Variants in CCDC183 observed in about 807,000 individuals in gnomAD.
CCDC183 encodes coiled-coil domain-containing protein 183.
A neutral mutation model predicts 65.2 loss-of-function variants in CCDC183; 63 were observed. That is an observed-to-expected ratio of 0.97 (90% CI 0.79 to 1.19). CCDC183 has a LOEUF of 1.19. CCDC183 is among the 50% of genes most tolerant of loss of function. CCDC183 has a pLI of 0.00. For synonymous variants in CCDC183, 323 were observed against 276.5 expected (o/e 1.17, Z -1.67); for missense variants, 769 against 689.3 (o/e 1.12, Z -1.30).
At chr9:136,799,940 C>G in intron 3 of CCDC183, 62 bp from the exon 4 acceptor site, 2 of 1,540,770 alleles carry the variant, frequency 1.3e-6, no homozygotes, top group Non-Finnish European at 1.8e-6. Context: ...CGCCCGCCTG[C>G]TGGCGGGCTC....
Position 136,798,435 on chromosome 9 carries a change from C to G in CCDC183, c.71-667C>G, listed in dbSNP as rs183323038. Among the ~76,000 whole-genome samples the G allele has an allele frequency of 2.0e-5, 3 of 151,446 alleles. No individual in the cohort carries two copies. In the East Asian group the frequency reaches 5.8e-4, roughly 29 times the overall value. On this transcript the variant is annotated intron_variant, in intron 1 of 13. Coordinates refer to ENST00000338005, the MANE Select transcript of CCDC183 (RefSeq NM_001039374.5). ...GCCTCAGCCTCCTGAGTAGCTGGGA[C>G]TACAGGCACACACCACCACACCCAG...
At position 136,802,847 on chromosome 9, in the gene CCDC183, G is replaced by A. The variant is rs552112750; in HGVS notation, c.666+61G>A. 3.4e-3 allele frequency: 1,757 copies of A among 509,410 alleles called. 14 individuals are homozygous for A. Among genetic ancestry groups the A allele is most frequent in the Non-Finnish European group, 5.3e-3 (1,477 of 279,552 alleles). 31.6% of individuals were successfully genotyped at this position (509,410 alleles called of 1,614,324 possible). A position where few individuals can be genotyped will look rare whatever the true frequency, so the allele number is the denominator to read the frequency against. On this transcript the variant is annotated intron_variant, in intron 6 of 13. Transcript: ENST00000338005. ...GCCAGCCCTCTTGGATCTTCGGATG[G>A]GGTCAAGGTGAGCTCAGGGCCCAGG...
In CCDC183 at chr9:136,805,384, A is replaced by G; in HGVS notation, c.875A>G (p.Glu292Gly). The G allele has an allele frequency of 1.9e-6, 3 of 1,613,934 alleles. No individual in the cohort carries two copies. Among genetic ancestry groups the G allele is most frequent in the Non-Finnish European group, 2.5e-6 (3 of 1,179,936 alleles). ...AGGAGAAAAGAGACCTCCACAGCAG[A>G]AATGGAATACCAGTCGGGCGTGACT... ...KLRRKETSTA[E>G]MEYQSGVTAV... Residue 292 changes from glutamate (E) to glycine (G), a missense_variant, in exon 9 of 14, where the codon GAA becomes GGA. By Grantham distance (98) the Glu-to-Gly change is moderately conservative (BLOSUM62 -2). Coordinates refer to ENST00000338005, the MANE Select transcript of CCDC183 (RefSeq NM_001039374.5).
rs202027936 is a variant in CCDC183 at position 136,800,005 on chromosome 9, G to A, written c.274G>A (p.Val92Met). ...LAHCRSTMEV[V>M]REKLRKYVFD... ...GGCGGTGCCCTTCCCGACCCAGGTG[G>A]TGCGGGAGAAGCTGCGCAAGTACGT... Residue 92 changes from valine to methionine, a missense_variant, in exon 4 of 14, where the codon GTG becomes ATG. By Grantham distance (21) the Val-to-Met change is conservative. Coordinates refer to ENST00000338005, the MANE Select transcript of CCDC183 (RefSeq NM_001039374.5). 3.8e-6 allele frequency: 6 copies of A among 1,587,284 alleles called. No individual in the cohort carries two copies. Among genetic ancestry groups the A allele is most frequent in the Non-Finnish European group, 5.1e-6 (6 of 1,167,664 alleles).
chr9:136,805,503 C>G (rs1847827680), intron 9 of CCDC183, 46 bp downstream of exon 9: 2 of 1,545,166 alleles, frequency 1.3e-6, no homozygotes, highest in South Asian at 2.3e-5. Flanking sequence ...GGTGGCTGAG[C>G]CTCTCACGTC....
At chr9:136,803,655 G>A (rs891609818) in intron 6 of CCDC183, among the ~76,000 whole-genome samples, 1 of 152,220 alleles carries the variant, frequency 6.6e-6, no homozygotes, top group Non-Finnish European at 1.5e-5. Context: ...CAGGTGGGGT[G>A]GCAGATGGCT....
At chr9:136,807,494 G>A in intron 13 of CCDC183, 78 bp from the exon 14 acceptor site, 18 of 1,481,646 alleles carry the variant, frequency 1.2e-5, no homozygotes, top group Non-Finnish European at 1.6e-5. Flanking sequence ...GTCGGTGGAG[G>A]GCGGGGGCGA....
intron 9 of CCDC183, 22 bp downstream of exon 9, chr9:136,805,479 G>C: frequency 6.2e-7 from 1 of 1,605,550 alleles, no homozygotes; most frequent in Non-Finnish European, 8.5e-7. Context: ...GGCGCTCCCA[G>C]AGAATGGCAG....
chr9:136,805,004 G>A (rs1296844676), intron 8 of CCDC183, 188 bp downstream of exon 8: 6 of 614,202 alleles, frequency 9.8e-6, no homozygotes, highest in Non-Finnish European at 1.7e-5. Flanking sequence ...CCTCAGAGAT[G>A]CTGGCCCCAG....
At chr9:136,798,960 G>A in intron 1 of CCDC183, 142 bp from the exon 2 acceptor site, 1 of 1,113,392 alleles carries the variant, frequency 9.0e-7, no homozygotes. Flanking sequence ...GGACAGGGCG[G>A]GAGGAGGGAT....
chr9:136,802,609 CG>C, intron 5 of CCDC183, 54 bp from the exon 6 acceptor site: 2 of 1,546,804 alleles, frequency 1.3e-6, no homozygotes, highest in Non-Finnish European at 1.7e-6. Context: ...GATAAAAGCT[CG>C]GGGCAACTGC....
At position 136,807,232 on chromosome 9, in the gene CCDC183, C is replaced by A. The variant is rs1380301510; in HGVS notation, c.1486+166C>A. On this transcript the variant is annotated intron_variant, in intron 13 of 13. Coordinates refer to ENST00000338005, the MANE Select transcript of CCDC183 (RefSeq NM_001039374.5). ...AATTGATGGAGGTGACTTAGTGATG[C>A]CATGGGGAGGCTAAAGCCACTGAAA... 6 of 668,900 alleles carry A rather than the reference C, an allele frequency of 9.0e-6. No individual in the cohort carries two copies. In the Admixed American group the frequency reaches 1.4e-4, roughly 16 times the overall value. 41.4% of individuals were successfully genotyped at this position (668,900 alleles called of 1,614,324 possible).
At chr9:136,796,785 C>T (rs1003148999) in intron 1 of CCDC183, among the ~76,000 whole-genome samples, 10 of 152,150 alleles carry the variant, frequency 6.6e-5, no homozygotes, top group Non-Finnish European at 1.3e-4. Context: ...TCATCCCCAT[C>T]CTCCATTCTT....
At chr9:136,805,306 G>A (rs1847823300) in intron 8 of CCDC183, 51 bp from the exon 9 acceptor site, 1 of 1,472,046 alleles carries the variant, frequency 6.8e-7, no homozygotes. Context: ...CTTACACAGA[G>A]CCCCTGAGCC....
At position 136,802,529 on chromosome 9, in the gene CCDC183, C is replaced by T. The variant is rs369051057; in HGVS notation, c.544-135C>T. The T allele has an allele frequency of 3.0e-4, 380 of 1,255,378 alleles. 3 individuals are homozygous for T. Among genetic ancestry groups the T allele is most frequent in the African/African-American group, 2.9e-3 (189 of 65,882 alleles). 77.8% of individuals were successfully genotyped at this position (1,255,378 alleles called of 1,614,324 possible). ...CACCTTTCATCACCGTTGTGCCCAG[C>T]GGGGAGTGGGGGAGGTGGCTGGGGC... On this transcript the variant is annotated intron_variant, in intron 5 of 13. Transcript: ENST00000338005.
Position 136,800,294 on chromosome 9 carries a change from AAGAG to A in CCDC183, c.439-92_439-89del, listed in dbSNP as rs1188731344. 14 of 1,445,356 alleles carry A rather than the reference AAGAG, an allele frequency of 9.7e-6. No homozygotes were observed. The Admixed American group carries it at 1.4e-4, about 14-fold the overall frequency. 89.5% of individuals were successfully genotyped at this position (1,445,356 alleles called of 1,614,324 possible). ...GAGGGCTCACGGGAGGGGCGGGGCT[AAGAG>A]AGCACGACCCTCTCCGGAGAAAACC... On this transcript the variant is annotated intron_variant, in intron 4 of 13. Coordinates refer to ENST00000338005, the MANE Select transcript of CCDC183 (RefSeq NM_001039374.5).
chr9:136,804,121 G>A lies in CCDC183; in HGVS notation c.667-381G>A. 4.2e-6 allele frequency: 1 copy of A among 237,392 alleles called. No homozygotes were observed. Among genetic ancestry groups the A allele is most frequent in the South Asian group, 5.5e-5 (1 of 18,104 alleles). 14.7% of individuals were successfully genotyped at this position (237,392 alleles called of 1,614,324 possible). On this transcript the variant is annotated intron_variant, in intron 6 of 13. Transcript: ENST00000338005. This position sits in a 1 kb window ranked among gnomAD's most constrained non-coding sequence, Gnocchi z 4.1. ...AGCAGTGTCTGGGGTGCGTGAGCAG[G>A]GGTTAGCAGATGACGGTTTTAGCTG...
intron 13 of CCDC183, 66 bp from the exon 14 acceptor site, chr9:136,807,493 GGGCGGGGGCGAGA>G: frequency 1.4e-6 from 2 of 1,480,016 alleles, no homozygotes; most frequent in East Asian, 2.5e-5. Context: ...GGTCGGTGGA[GGGCGGGGGCGAGA>G]GGCGGGTCGG....
rs1180372774 is a variant in CCDC183, at chr9:136,804,706, G to A, written c.793-56G>A. ...GACACAGGCTCAGGGCCACCACTCA[G>A]GGCCCACTCCCTGCCAAGGATGTCT... On this transcript the variant is annotated intron_variant, in intron 7 of 13. Transcript: ENST00000338005. The surrounding 1 kb of genome is among the most constrained non-coding windows in gnomAD (Gnocchi z 4.1). 2 of 1,613,082 alleles carry A rather than the reference G, an allele frequency of 1.2e-6. No homozygotes were observed. Among genetic ancestry groups the A allele is most frequent in the East Asian group, 4.5e-5 (2 of 44,872 alleles).
Sources: allele counts gnomAD v4.1 joint callset (sites outside exome capture counted in the v4.1 genomes callset), GRCh38; gene constraint gnomAD v4.1.1; non-coding constraint Gnocchi (gnomAD v3.1); transcripts MANE v1.5; gene names NCBI Gene and HGNC (gene_info 2026-07-23, HGNC 2026-07-21).